Variants in YPEL1 observed in about 807,000 individuals in gnomAD.
YPEL1 encodes the protein protein yippee-like 1.
Under a neutral mutation model 17.3 loss-of-function variants are expected in YPEL1, and 7 were observed. The observed-to-expected ratio is 0.40, with a 90% CI of 0.23 to 0.76. The LOEUF (loss-of-function observed/expected upper bound fraction) is 0.76. YPEL1 is among the 30% of genes least tolerant of loss of function. The pLI is 0.35. For missense variants in YPEL1, 91 were observed against 155.5 expected (o/e 0.59, Z 2.21); for synonymous variants, 59 against 59.6 (o/e 0.99, Z 0.05).
chr22:21,701,491 GA>G (rs1190434496), intron 4 of YPEL1, among the ~76,000 whole-genome samples: 2 of 152,190 alleles, frequency 1.3e-5, no homozygotes, highest in Non-Finnish European at 2.9e-5. Flanking sequence ...TTTGTTTTGA[GA>G]TAAGGTCTCA....
At chr22:21,726,156 G>A (rs1601641924) in intron 1 of YPEL1, among the ~76,000 whole-genome samples, 2 of 152,294 alleles carry the variant, frequency 1.3e-5, no homozygotes, top group Admixed American at 1.3e-4. Flanking sequence ...CATGTCCCCA[G>A]GGTCTAGGAC....
intron 2 of YPEL1, among the ~76,000 whole-genome samples, chr22:21,709,545 G>A (rs192062296): frequency 3.3e-5 from 5 of 152,318 alleles, no homozygotes; most frequent in African/African-American, 9.6e-5. Context: ...GGAGGCCAAG[G>A]CAGGAGGATC....
At position 21,703,712 on chromosome 22, in the gene YPEL1, G is replaced by GGT. The variant is rs1555903189; in HGVS notation, c.161+126_161+127insAC. ...TTAGCGCGTTTCAGAAACTCCCGGC[G>GGT]GGGGGATGGTGGGTTCTTTCAGGAC... On this transcript the variant is annotated intron_variant, in intron 3 of 4. Coordinates refer to ENST00000339468, the MANE Select transcript of YPEL1 (RefSeq NM_013313.5). The surrounding 1 kb of genome is among the most constrained non-coding windows in gnomAD (Gnocchi z 6.1). 2.7e-6 allele frequency: 3 copies of GGT among 1,108,264 alleles called. No homozygotes were observed. Among genetic ancestry groups the GGT allele is most frequent in the South Asian group, 1.5e-5 (1 of 65,382 alleles). The allele number at this position is 1,108,264 out of a possible 1,614,324, so 68.7% of individuals were successfully genotyped here.
At chr22:21,731,656 G>C (rs2068388835) in intron 1 of YPEL1, among the ~76,000 whole-genome samples, 1 of 152,098 alleles carries the variant, frequency 6.6e-6, no homozygotes. Flanking sequence ...CCACGAGGGA[G>C]GGAGTAGGTG....
chr22:21,726,624 C>T (rs2068338376), intron 1 of YPEL1, among the ~76,000 whole-genome samples: 1 of 152,194 alleles, frequency 6.6e-6, no homozygotes, highest in African/African-American at 2.4e-5. Flanking sequence ...TCCTGTGTTA[C>T]CCCAGGGTCC....
intron 1 of YPEL1, among the ~76,000 whole-genome samples, chr22:21,729,424 C>T (rs1019908986): frequency 2.1e-5 from 3 of 145,400 alleles, no homozygotes; most frequent in African/African-American, 7.7e-5. Flanking sequence ...CTGGCCAACA[C>T]AGCAAGACCC....
Position 21,724,492 on chromosome 22 carries a change from G to A in YPEL1, c.-165+11123C>T, listed in dbSNP as rs7290398. On this transcript the variant is annotated intron_variant, in intron 1 of 4. Transcript: ENST00000339468. ...ATGGAGGTTGCTGTGAGCCATGATC[G>A]CACCACTGCACTCCAGCATGGGTAA... 7.3e-3 allele frequency among the ~76,000 whole-genome samples: 1,113 copies of A among 152,090 alleles called. 13 individuals carry two copies. Among genetic ancestry groups the A allele is most frequent in the African/African-American group, 0.025 (1,053 of 41,476 alleles).
chr22:21,721,884 C>T (rs2068287298), intron 1 of YPEL1, among the ~76,000 whole-genome samples: 1 of 152,190 alleles, frequency 6.6e-6, no homozygotes, highest in Admixed American at 6.5e-5. Flanking sequence ...ATTTCCTCCT[C>T]CACCAAGCCC....
intron 1 of YPEL1, among the ~76,000 whole-genome samples, chr22:21,723,827 A>G (rs1041849892): frequency 6.6e-6 from 1 of 150,466 alleles, no homozygotes; most frequent in Non-Finnish European, 1.5e-5. Context: ...CATCACGCCC[A>G]GCTGATTTTT....
Position 21,703,536 on chromosome 22 carries a change from GC to G in YPEL1, c.162-59del, listed in dbSNP as rs1025444549. 1 of 1,489,378 alleles carries G rather than the reference GC, an allele frequency of 6.7e-7. No homozygotes were observed. Among genetic ancestry groups the G allele is most frequent in the Admixed American group, 1.7e-5 (1 of 59,194 alleles). The allele number at this position is 1,489,378 out of a possible 1,614,324, so 92.3% of individuals were successfully genotyped here. On this transcript the variant is annotated intron_variant, in intron 3 of 4. Transcript: ENST00000339468. The surrounding 1 kb of genome is among the most constrained non-coding windows in gnomAD (Gnocchi z 6.1). ...CCCGGCCCGCCCCTGACCAGGCCCT[GC>G]CCCCTCAGCGGGCCCCACCCCATCC...
chr22:21,713,877 C>T (rs2068195651), intron 1 of YPEL1, among the ~76,000 whole-genome samples: 1 of 152,206 alleles, frequency 6.6e-6, no homozygotes, highest in South Asian at 2.1e-4. Context: ...GGCACCACCC[C>T]AGCCTGGCCT....
intron 2 of YPEL1, chr22:21,704,264 C>A: frequency 1.4e-6 from 1 of 699,788 alleles, no homozygotes; most frequent in Non-Finnish European, 2.7e-6. Context: ...TCAAAATGCT[C>A]TCCTCGCCGC....
chr22:21,732,763 A>G (rs1195267777), intron 1 of YPEL1, among the ~76,000 whole-genome samples: 2 of 151,906 alleles, frequency 1.3e-5, no homozygotes, highest in African/African-American at 4.8e-5. Flanking sequence ...GCCTGGCGAC[A>G]GAGTGGGACT....
In YPEL1 at chr22:21,703,517, C is replaced by T. The variant is rs1182846090; in HGVS notation, c.162-39G>A. On this transcript the variant is annotated intron_variant, in intron 3 of 4. Coordinates refer to ENST00000339468, the MANE Select transcript of YPEL1 (RefSeq NM_013313.5). This position sits in a 1 kb window ranked among gnomAD's most constrained non-coding sequence, Gnocchi z 6.1. Reference sequence around the variant, plus strand: ...GGGGCCACTGCGCTGCAGGCCCGGCCCGCCCCTGACCAGGCCCTGCCCCCT... The same window carrying T: ...GGGGCCACTGCGCTGCAGGCCCGGCTCGCCCCTGACCAGGCCCTGCCCCCT... 1 of 1,565,166 alleles carries T rather than the reference C, an allele frequency of 6.4e-7. No homozygotes were observed. Among genetic ancestry groups the T allele is most frequent in the Admixed American group, 1.7e-5 (1 of 59,726 alleles).
intron 1 of YPEL1, among the ~76,000 whole-genome samples, chr22:21,723,949 G>A (rs545717320): frequency 4.6e-5 from 7 of 152,304 alleles, no homozygotes; most frequent in Admixed American, 3.9e-4. Context: ...TTACAGGTGT[G>A]AGCCACCACG....
chr22:21,723,805 A>G (rs2148612133), intron 1 of YPEL1, among the ~76,000 whole-genome samples: 1 of 150,702 alleles, frequency 6.6e-6, no homozygotes, highest in East Asian at 2.0e-4. Context: ...AGCTGGGTCT[A>G]CAGGTGCACG....
Position 21,705,249 on chromosome 22 carries a change from G to A in YPEL1, c.118-1367C>T, listed in dbSNP as rs552892950. 2.0e-5 allele frequency among the ~76,000 whole-genome samples: 3 copies of A among 152,352 alleles called. No individual in the cohort carries two copies. The East Asian group carries it at 5.8e-4, about 29-fold the overall frequency. ...CTGCTTCGGCCTCCCCAAGTGACGG[G>A]ATTGCAGGCGTGAGCCACTGCGCCT... On this transcript the variant is annotated intron_variant, in intron 2 of 4. Coordinates refer to ENST00000339468, the MANE Select transcript of YPEL1 (RefSeq NM_013313.5).
At chr22:21,712,391 A>G (rs1295055004) in intron 1 of YPEL1, among the ~76,000 whole-genome samples, 1 of 148,282 alleles carries the variant, frequency 6.7e-6, no homozygotes, top group Non-Finnish European at 1.5e-5. Context: ...AAAAACAACT[A>G]CAACTCAGCA....
chr22:21,721,867 A>C (rs939058604), intron 1 of YPEL1, among the ~76,000 whole-genome samples: 8 of 152,126 alleles, frequency 5.3e-5, no homozygotes, highest in African/African-American at 1.9e-4. Context: ...TGGATTAATA[A>C]ATTCCCATTT....
Sources: allele counts gnomAD v4.1 joint callset (sites outside exome capture counted in the v4.1 genomes callset), GRCh38; gene constraint gnomAD v4.1.1; non-coding constraint Gnocchi (gnomAD v3.1); transcripts MANE v1.5; gene names NCBI Gene and HGNC (gene_info 2026-07-23, HGNC 2026-07-21).